CSGALNACT1: variants seen among roughly 807,000 people sequenced by gnomAD.
The protein encoded by CSGALNACT1 is chondroitin sulfate N-acetylgalactosaminyltransferase 1, also known as beta4GalNAcT-1.
CSGALNACT1 carries 52 observed loss-of-function variants against 51.0 expected under a neutral mutation model. That is an observed-to-expected ratio of 1.02 (90% CI 0.82 to 1.29). CSGALNACT1 has a LOEUF of 1.29. Ranked by LOEUF, CSGALNACT1 falls within the 50% of genes most tolerant of loss-of-function variation. The pLI is 0.00. For missense variants in CSGALNACT1, 935 were observed against 679.2 expected (o/e 1.38, Z -4.19); for synonymous variants, 341 against 254.4 (o/e 1.34, Z -3.24).
At chr8:19,574,404 G>C (rs1384905239) in intron 3 of CSGALNACT1, among the ~76,000 whole-genome samples, 1 of 152,102 alleles carries the variant, frequency 6.6e-6, no homozygotes, top group Non-Finnish European at 1.5e-5. Context: ...TTGCTCATAG[G>C]GTTCCTCCAT....
chr8:19,575,693 G>T (rs2044039182), intron 3 of CSGALNACT1, among the ~76,000 whole-genome samples: 1 of 152,120 alleles, frequency 6.6e-6, no homozygotes, highest in African/African-American at 2.4e-5. Flanking sequence ...ATCAAAAAAT[G>T]TTTTCATCTG....
At chr8:19,660,998 T>C (rs1262036495) in intron 1 of CSGALNACT1, among the ~76,000 whole-genome samples, 1 of 152,114 alleles carries the variant, frequency 6.6e-6, no homozygotes, top group Non-Finnish European at 1.5e-5. Context: ...TTGCAACCTC[T>C]GCCTCCTGGG....
chr8:19,515,706 C>A (rs1486172132), intron 3 of CSGALNACT1, among the ~76,000 whole-genome samples: 1 of 151,956 alleles, frequency 6.6e-6, no homozygotes, highest in Non-Finnish European at 1.5e-5. Context: ...AAGAAACAGA[C>A]TCAAGTCCTA....
At chr8:19,707,631 C>T (rs898146841) in intron 1 of CSGALNACT1, among the ~76,000 whole-genome samples, 1 of 91,506 alleles carries the variant, frequency 1.1e-5, no homozygotes, top group Non-Finnish European at 2.4e-5. Flanking sequence ...AAGAGCTACA[C>T]GCAATGGAAG....
At chr8:19,543,229 G>C (rs57087900) in intron 3 of CSGALNACT1, among the ~76,000 whole-genome samples, 18,588 of 152,096 alleles carry the variant, frequency 0.12, 1,440 homozygotes, top group African/African-American at 0.22. Context: ...TCAGAGAAAT[G>C]ATCACATTGC....
At chr8:19,440,576 T>C (rs1230270971) in intron 5 of CSGALNACT1, among the ~76,000 whole-genome samples, 1 of 152,144 alleles carries the variant, frequency 6.6e-6, no homozygotes, top group African/African-American at 2.4e-5. Context: ...TTCAAAATAA[T>C]AAGAGCTATC....
rs1160956006 is a variant in CSGALNACT1 at position 19,548,120 on chromosome 8, A to G, written c.-296-41990T>C. Among the ~76,000 whole-genome samples the G allele has an allele frequency of 4.6e-5, 7 of 152,240 alleles. No individual in the cohort carries two copies. In the East Asian group the frequency reaches 1.2e-3, roughly 25 times the overall value. On this transcript the variant is annotated intron_variant, in intron 3 of 9. Coordinates refer to ENST00000454498, the Ensembl canonical transcript of CSGALNACT1. The stretch of plus-strand genomic sequence containing the variant: ...ATTAAATGTTTCAACTAAATATTGA[A>G]TTTGGATTATATTTCAGCCAAACAC...
chr8:19,459,382 C>CAAAAAAAAAAAA (rs377411028), intron 4 of CSGALNACT1, among the ~76,000 whole-genome samples: 1 of 69,194 alleles, frequency 1.4e-5, no homozygotes, highest in Non-Finnish European at 2.9e-5. Flanking sequence ...AACTTTATCT[C>CAAAAAAAAAAAA]AAAAAAAAAA....
rs79402758 is a variant in CSGALNACT1, at chr8:19,499,792, T to A, written c.634+5409A>T. On this transcript the variant is annotated intron_variant, in intron 4 of 9. Coordinates refer to ENST00000454498, the Ensembl canonical transcript of CSGALNACT1. Reference sequence around the variant, plus strand: ...TGTAAAATGAAAATGTGGGGCCCCTTAAACATGATTAAGAATGTCAATTCT... The same window carrying A: ...TGTAAAATGAAAATGTGGGGCCCCTAAAACATGATTAAGAATGTCAATTCT... Among the ~76,000 whole-genome samples, 108 of 152,280 alleles carry A rather than the reference T, an allele frequency of 7.1e-4. No individual in the cohort carries two copies. The East Asian group carries it at 0.019, about 26-fold the overall frequency.
At chr8:19,642,789 A>AC (rs200931060) in intron 1 of CSGALNACT1, among the ~76,000 whole-genome samples, 5 of 124,126 alleles carry the variant, frequency 4.0e-5, no homozygotes, top group Non-Finnish European at 3.6e-5. Flanking sequence ...ACCCTGTCAC[A>AC]AAAAAAAAAA....
chr8:19,666,824 AG>A (rs2059257139), intron 1 of CSGALNACT1, among the ~76,000 whole-genome samples: 4 of 60,102 alleles, frequency 6.7e-5, no homozygotes, highest in African/African-American at 2.4e-4. Flanking sequence ...AGAGAGAGAG[AG>A]AGAGAGAGAA....
intron 3 of CSGALNACT1, among the ~76,000 whole-genome samples, chr8:19,579,279 C>A (rs62494465): frequency 2.7e-3 from 413 of 152,328 alleles, no homozygotes; most frequent in Non-Finnish European, 4.1e-3. Flanking sequence ...ATGTCCTCTA[C>A]ACTGCTGAAA....
At chr8:19,436,992 A>G (rs149211658) in intron 6 of CSGALNACT1, among the ~76,000 whole-genome samples, 125 of 152,292 alleles carry the variant, frequency 8.2e-4, no homozygotes, top group African/African-American at 2.9e-3. Context: ...GAAACCTTGA[A>G]CATTTTCTCC....
At chr8:19,729,808 T>TTC (rs1279308257) in intron 1 of CSGALNACT1, among the ~76,000 whole-genome samples, 1 of 151,974 alleles carries the variant, frequency 6.6e-6, no homozygotes, top group Non-Finnish European at 1.5e-5. Flanking sequence ...GCCTGGAGGA[T>TTC]TCCTGGGCTC....
intron 1 of CSGALNACT1, among the ~76,000 whole-genome samples, chr8:19,692,813 A>G (rs1178953612): frequency 6.6e-6 from 1 of 152,176 alleles, no homozygotes; most frequent in African/African-American, 2.4e-5. Context: ...GAGTGCCTAG[A>G]TCCTTAACCT....
intron 3 of CSGALNACT1, among the ~76,000 whole-genome samples, chr8:19,534,153 T>C (rs866008167): frequency 2.0e-5 from 3 of 152,136 alleles, no homozygotes; most frequent in Admixed American, 6.5e-5. Flanking sequence ...TTCAATGTAA[T>C]ATTAAGTTGC....
At chr8:19,493,254 T>C (rs1355620310) in intron 4 of CSGALNACT1, among the ~76,000 whole-genome samples, 3 of 152,176 alleles carry the variant, frequency 2.0e-5, no homozygotes, top group Non-Finnish European at 2.9e-5. Flanking sequence ...CCTCAACTAT[T>C]TTTAAAGCCT....
chr8:19,437,124 G>A (rs1400858925), intron 6 of CSGALNACT1, among the ~76,000 whole-genome samples: 2 of 152,116 alleles, frequency 1.3e-5, no homozygotes, highest in African/African-American at 2.4e-5. Context: ...ATCAAATCGC[G>A]CACCAAGTGC....
intron 1 of CSGALNACT1, among the ~76,000 whole-genome samples, chr8:19,667,841 A>C (rs1268890989): frequency 6.6e-6 from 1 of 152,250 alleles, no homozygotes; most frequent in Non-Finnish European, 1.5e-5. Flanking sequence ...TACTGGTAAG[A>C]ATTCAAAAAT....
Sources: gnomAD v4.1 joint callset for allele counts (sites outside exome capture counted in the v4.1 genomes callset) on GRCh38, gnomAD v4.1.1 for gene constraint, MANE v1.5 for transcripts, NCBI Gene and HGNC (gene_info 2026-07-23, HGNC 2026-07-21) for gene names.